The following AACS variants were observed in gnomAD, a reference collection of about 807,000 sequenced individuals.
AACS encodes the protein acetoacetate-CoA ligase.
AACS carries 69 observed loss-of-function variants against 83.1 expected under a neutral mutation model. That is an observed-to-expected ratio of 0.83 (90% confidence interval 0.68 to 1.01). The LOEUF (loss-of-function observed/expected upper bound fraction) is 1.01, where lower values mean the gene tolerates loss of function less well. Among genes scored for constraint, AACS ranks in the 50% least tolerant of loss-of-function variants. The pLI is 0.00. For synonymous variants in AACS, 333 were observed against 343.4 expected (o/e 0.97, Z 0.33); for missense variants, 866 against 882.2 (o/e 0.98, Z 0.23).
intron 8 of AACS, among the ~76,000 whole-genome samples, chr12:125,107,855 C>A (rs753923167): frequency 6.6e-6 from 1 of 152,098 alleles, no homozygotes; most frequent in Non-Finnish European, 1.5e-5. Flanking sequence ...CTGAGCTACT[C>A]GGGAGGCTGA....
chr12:125,079,203 TG>T (rs955874808), intron 3 of AACS, among the ~76,000 whole-genome samples: 6 of 151,092 alleles, frequency 4.0e-5, no homozygotes, highest in Non-Finnish European at 3.0e-5. Flanking sequence ...AAGGCTGAGC[TG>T]GGGGGCCTCG....
chr12:125,080,654 GC>G (rs982501566), intron 3 of AACS, among the ~76,000 whole-genome samples: 7 of 150,778 alleles, frequency 4.6e-5, no homozygotes, highest in South Asian at 4.3e-4. Context: ...AAGTATTTGA[GC>G]CCCCCCTTTT....
Position 125,090,207 on chromosome 12 carries a change from T to TCCA in AACS, c.473-1219_473-1218insCCA, listed in dbSNP as rs1565932080. Among the ~76,000 whole-genome samples, 3 of 1,226 alleles carry TCCA rather than the reference T, an allele frequency of 2.4e-3. 1 individual carries two copies. The highest frequency in any genetic ancestry group is 0.019 in the East Asian group (1 of 54). 0.8% of individuals were successfully genotyped at this position (1,226 alleles called of 152,430 possible). A position where few individuals can be genotyped will look rare whatever the true frequency, so the allele number is the denominator to read the frequency against. On this transcript the variant is annotated intron_variant, in intron 4 of 17. Coordinates refer to ENST00000316519, the MANE Select transcript of AACS (RefSeq NM_023928.5). ...TTCTCTCCATCTACCCATTTACCCA[T>TCCA]TATCCATCTATCCATCCATTTATTA...
At chr12:125,138,811 C>G (rs1957436298) in intron 17 of AACS, 1 of 152,070 alleles carries the variant, frequency 6.6e-6, no homozygotes, top group African/African-American at 2.4e-5. Context: ...TCACGGCAGG[C>G]TTAGGAGAGG....
chr12:125,115,581 G>A (rs899939277), intron 9 of AACS, among the ~76,000 whole-genome samples: 3 of 152,180 alleles, frequency 2.0e-5, no homozygotes, highest in African/African-American at 7.2e-5. Flanking sequence ...TATGCCAAGT[G>A]GAATGCAGCA....
chr12:125,129,574 A>G lies in AACS; in HGVS notation c.1549+114A>G. On this transcript the variant is annotated intron_variant, in intron 14 of 17. Coordinates refer to ENST00000316519, the MANE Select transcript of AACS (RefSeq NM_023928.5). This position sits in a 1 kb window ranked among gnomAD's most constrained non-coding sequence, Gnocchi z 4.3. ...TCTTCCTTCCCCCACCAGGGCTTGGAGAAGCTGCTTATAGTTCATTCCGCC... is the reference window on the plus strand; with the variant it reads ...TCTTCCTTCCCCCACCAGGGCTTGGGGAAGCTGCTTATAGTTCATTCCGCC... 7.3e-7 allele frequency: 1 copy of G among 1,367,628 alleles called. No individual in the cohort carries two copies. Among genetic ancestry groups the G allele is most frequent in the South Asian group, 1.4e-5 (1 of 70,658 alleles). The allele number at this position is 1,367,628 out of a possible 1,614,324, so 84.7% of individuals were successfully genotyped here. A position where few individuals can be genotyped will look rare whatever the true frequency, so the allele number is the denominator to read the frequency against.
intron 4 of AACS, among the ~76,000 whole-genome samples, chr12:125,089,522 C>G (rs1426583789): frequency 1.3e-5 from 2 of 152,146 alleles, no homozygotes; most frequent in African/African-American, 4.8e-5. Context: ...CATGAGGATT[C>G]CCTGCCTCTG....
At chr12:125,102,932 G>GAAA in intron 6 of AACS, 68 bp from the exon 7 acceptor site, 4 of 1,228,520 alleles carry the variant, frequency 3.3e-6, no homozygotes, top group African/African-American at 3.2e-5. Context: ...ATATTTTGTG[G>GAAA]AAAAAAAAAA....
chr12:125,110,498 G>A (rs1051590237), intron 8 of AACS, among the ~76,000 whole-genome samples: 23 of 152,202 alleles, frequency 1.5e-4, no homozygotes, highest in African/African-American at 5.1e-4. Flanking sequence ...GTCTGTGGGA[G>A]TCAGGATGCT....
At chr12:125,102,530 G>A (rs1417535545) in intron 5 of AACS, 149 bp from the exon 6 acceptor site, 7 of 700,858 alleles carry the variant, frequency 1.0e-5, no homozygotes, top group African/African-American at 3.5e-5. Context: ...AGTGGTGCAA[G>A]CATAGCTCAC....
Position 125,102,998 on chromosome 12 carries a change from A to G in AACS, c.686-2A>G, listed in dbSNP as rs200531515. The G allele has an allele frequency of 1.2e-5, 19 of 1,612,868 alleles. No individual in the cohort carries two copies. In the East Asian group the frequency reaches 3.6e-4, roughly 30 times the overall value. On this transcript the variant is annotated splice_acceptor_variant, in intron 6 of 17. Coordinates refer to ENST00000316519, the MANE Select transcript of AACS (RefSeq NM_023928.5). LOFTEE classifies it high-confidence loss of function. ...TGTGTTTTCTCCTCTCGCTCCTTCCAGGCCTACCAGACTTGAAGAAAGTGG... is the reference window on the plus strand; with the variant it reads ...TGTGTTTTCTCCTCTCGCTCCTTCCGGGCCTACCAGACTTGAAGAAAGTGG...
Position 125,134,815 on chromosome 12 carries a change from C to T in AACS, c.1641C>T (p.Asn547=), listed in dbSNP as rs146803379. Reference sequence around the variant, plus strand: ...CCAGTGACGGCACCCTCAACCCCAACGGGGTGCGGTTCGGCAGCTCGGAAA... The same window carrying T: ...CCAGTGACGGCACCCTCAACCCCAATGGGGTGCGGTTCGGCAGCTCGGAAA... ...LGRSDGTLNP[N]GVRFGSSEIY... is the part of the protein sequence containing the mutation. The change falls in exon 16 of 18, where the codon AAC becomes AAT. Residue 547 remains asparagine, a synonymous_variant. Transcript: ENST00000316519. 2.2e-4 allele frequency: 357 copies of T among 1,614,184 alleles called. No individual in the cohort carries two copies. Among genetic ancestry groups the T allele is most frequent in the South Asian group, 9.2e-4 (84 of 91,074 alleles).
rs1386540419 is a variant in AACS at position 125,129,260 on chromosome 12, TAAGA to T, written c.1424-70_1424-67del. ...GAATATTGCATAATAAGTAATAGCT[TAAGA>T]AAGAGAGAGAGACAGCCAGGGTGTG... is the stretch of plus-strand genomic sequence containing the variant. On this transcript the variant is annotated intron_variant, in intron 13 of 17. Coordinates refer to ENST00000316519, the MANE Select transcript of AACS (RefSeq NM_023928.5). This position sits in a 1 kb window ranked among gnomAD's most constrained non-coding sequence, Gnocchi z 4.3. 1.0e-5 allele frequency: 16 copies of T among 1,528,760 alleles called. No homozygotes were observed. Among genetic ancestry groups the T allele is most frequent in the Admixed American group, 2.1e-5 (1 of 48,440 alleles). 94.7% of individuals were successfully genotyped at this position (1,528,760 alleles called of 1,614,324 possible). A position where few individuals can be genotyped will look rare whatever the true frequency, so the allele number is the denominator to read the frequency against.
rs568185427 is a variant in AACS, at chr12:125,094,042, G to A, written c.570+2519G>A. ...AGGACCTGGCACAGGTCGACTGCGC[G>A]AAAGCCTCTGCTCACCCTCTATTTA... is the stretch of plus-strand genomic sequence containing the variant. On this transcript the variant is annotated intron_variant, in intron 5 of 17. Transcript: ENST00000316519. The surrounding 1 kb of genome is among the most constrained non-coding windows in gnomAD (Gnocchi z 4.1). 9.8e-5 allele frequency among the ~76,000 whole-genome samples: 15 copies of A among 152,304 alleles called. No homozygotes were observed. In the South Asian group the frequency reaches 2.7e-3, roughly 27 times the overall value.
intron 12 of AACS, 98 bp downstream of exon 12, chr12:125,125,122 TC>T: frequency 7.1e-6 from 11 of 1,550,454 alleles, no homozygotes; most frequent in Non-Finnish European, 9.6e-6. Flanking sequence ...AAGGACACAG[TC>T]CGCTGGGCAG....
intron 14 of AACS, among the ~76,000 whole-genome samples, chr12:125,131,819 A>G (rs1000705227): frequency 6.6e-6 from 1 of 152,098 alleles, no homozygotes; most frequent in African/African-American, 2.4e-5. Context: ...GGCTGGTCTC[A>G]AACTCCTGAT....
chr12:125,126,433 G>C, intron 12 of AACS: 1 of 152,356 alleles, frequency 6.6e-6, no homozygotes, highest in East Asian at 1.9e-4. Context: ...ATAGGTGAGC[G>C]TGTGTGCTTG....
rs143849169 is a variant in AACS, at chr12:125,097,291, C to T, written c.571-5388C>T. ...AAGGACGTCACTGAGGAAGGGGTAC[C>T]GGGGGTACCCTTGAAATGGAGGAGG... On this transcript the variant is annotated intron_variant, in intron 5 of 17. Coordinates refer to ENST00000316519, the MANE Select transcript of AACS (RefSeq NM_023928.5). The surrounding 1 kb of genome is among the most constrained non-coding windows in gnomAD (Gnocchi z 4.3). 1.1e-3 allele frequency among the ~76,000 whole-genome samples: 160 copies of T among 152,108 alleles called. 1 individual carries two copies. The highest frequency in any genetic ancestry group is 3.5e-3 in the African/African-American group (147 of 41,496).
At chr12:125,112,749 C>T (rs952318690) in intron 8 of AACS, among the ~76,000 whole-genome samples, 2 of 151,292 alleles carry the variant, frequency 1.3e-5, no homozygotes, top group African/African-American at 2.4e-5. Context: ...AACAGTTCTA[C>T]GTGGCTGGGG....
Sources: gnomAD v4.1 joint callset for allele counts (sites outside exome capture counted in the v4.1 genomes callset) on GRCh38, gnomAD v4.1.1 for gene constraint, Gnocchi (gnomAD v3.1) non-coding constraint, MANE v1.5 for transcripts, NCBI Gene and HGNC (gene_info 2026-07-23, HGNC 2026-07-21) for gene names.